FAM83C: variants seen among roughly 807,000 people sequenced by gnomAD.
The protein encoded by FAM83C is protein FAM83C.
FAM83C carries 23 observed loss-of-function variants against 27.1 expected under a neutral mutation model. The observed-to-expected ratio is 0.85, with a 90% CI of 0.61 to 1.20. The LOEUF (loss-of-function observed/expected upper bound fraction) is 1.20. Among genes scored for constraint, FAM83C ranks in the 50% most tolerant of loss-of-function variants. The pLI is 0.00. For synonymous variants in FAM83C, 426 were observed against 423.1 expected, an observed-to-expected ratio of 1.01 and a Z score of -0.09; for missense variants, 984 against 1,001.3, an observed-to-expected ratio of 0.98 and a Z score of 0.23.
At position 35,288,804 on chromosome 20, in the gene FAM83C, C is replaced by G. The variant is rs2060838147; in HGVS notation, c.668G>C (p.Gly223Ala). Residue 223 changes from glycine to alanine, a missense_variant, in exon 2 of 4, where the codon GGG becomes GCG. Transcript: ENST00000374408. The stretch of plus-strand genomic sequence containing the variant: ...GTCCTCACTGACCGGCAGGTGCTCC[C>G]CATTGAGGTCCATCTTGTAGCACAT... ...LEMCYKMDLN[G>A]EHLPNMRVRS... 1 of 1,612,120 alleles carries G rather than the reference C, an allele frequency of 6.2e-7. No homozygotes were observed. The highest frequency in any genetic ancestry group is 8.5e-7 in the Non-Finnish European group (1 of 1,178,830).
At position 35,287,367 on chromosome 20, in the gene FAM83C, G is replaced by A. The variant is rs559163193; in HGVS notation, c.1412C>T (p.Pro471Leu). Residue 471 changes from proline to leucine, a missense_variant, in exon 4 of 4, where the codon CCA (proline) becomes CTA (leucine). Coordinates refer to ENST00000374408, the MANE Select transcript of FAM83C (RefSeq NM_178468.6). ...ALSRFPENGLPGSQEPSPLRG... is the reference protein window; with the variant it reads ...ALSRFPENGLLGSQEPSPLRG... ...CAGGGGGCTGGGCTCTTGGCTTCCTGGGAGCCCATTCTCTGGGAACCGGGA... is the reference window on the plus strand; with the variant it reads ...CAGGGGGCTGGGCTCTTGGCTTCCTAGGAGCCCATTCTCTGGGAACCGGGA... 7 of 1,613,940 alleles carry A rather than the reference G, an allele frequency of 4.3e-6. No individual in the cohort carries two copies. The African/African-American group carries it at 8.0e-5, about 18-fold the overall frequency.
chr20:35,287,941 T>G lies in FAM83C; in HGVS notation c.838A>C (p.Ser280Arg). The change falls in exon 4 of 4, where the codon AGC becomes CGC. Residue 280 changes from serine to arginine, a missense_variant. Physicochemically the swap from Ser to Arg is moderately radical, Grantham distance 110. Coordinates refer to ENST00000374408, the MANE Select transcript of FAM83C (RefSeq NM_178468.6). Reference protein sequence around the residue: ...FTWLCSQAHTSMVLQLRGRIV... With the variant: ...FTWLCSQAHTRMVLQLRGRIV... The stretch of plus-strand genomic sequence containing the variant: ...CGGCCCCTCAGCTGCAGCACCATGC[T>G]AGTGTGGGCCTGGCTGCAAAGCCAG... 2.6e-6 allele frequency: 4 copies of G among 1,558,798 alleles called. No individual in the cohort carries two copies. Among genetic ancestry groups the G allele is most frequent in the Non-Finnish European group, 3.5e-6 (4 of 1,150,566 alleles).
intron 2 of FAM83C, 50 bp downstream of exon 2, chr20:35,288,741 C>T (rs1436440074): frequency 5.1e-6 from 8 of 1,556,184 alleles, no homozygotes; most frequent in Non-Finnish European, 7.0e-6. Context: ...CCCCTGCCCT[C>T]CCTGACTCCC....
Position 35,288,553 on chromosome 20 carries a change from T to C in FAM83C, c.714A>G (p.Thr238=). The part of the protein sequence containing the change: ...NMRVRSTCGD[T]YCSKAGRRFT... Reference sequence around the variant, plus strand: ...AGCGGCGGCCAGCCTTGCTGCAGTATGTGTCCCCACACGTGCTCCGCACAC... The same window carrying C: ...AGCGGCGGCCAGCCTTGCTGCAGTACGTGTCCCCACACGTGCTCCGCACAC... The change falls in exon 3 of 4, where the codon ACA becomes ACG. Residue 238 remains threonine, a synonymous_variant. Transcript: ENST00000374408. The C allele has an allele frequency of 1.2e-6, 2 of 1,614,198 alleles. No homozygotes were observed.
Position 35,291,794 on chromosome 20 carries a change from T to C in FAM83C, c.511A>G (p.Thr171Ala). The stretch of plus-strand genomic sequence containing the variant: ...TGATGGAGAGATGAGGCCCTTACCG[T>C]GTGGGCCTGGCTGAAAAGGAAGCGC... The part of the protein sequence containing the change: ...LLRFLFSQAH[T>A]VVAVVMDIFT... The change falls in exon 1 of 4, where the codon ACG becomes GCG. Residue 171 changes from threonine (T) to alanine (A), a missense_variant and splice_region_variant. Coordinates refer to ENST00000374408, the MANE Select transcript of FAM83C (RefSeq NM_178468.6). 6.2e-7 allele frequency: 1 copy of C among 1,613,960 alleles called. No individual in the cohort carries two copies. The highest frequency in any genetic ancestry group is 1.1e-5 in the South Asian group (1 of 91,082).
chr20:35,286,176 T>G lies in FAM83C; in HGVS notation c.*359A>C. On this transcript the variant is annotated 3_prime_UTR_variant, in exon 4 of 4. Transcript: ENST00000374408. Reference sequence around the variant, plus strand: ...CACCTTCTCCAGGACTCTCTGCCCTTTGTTTTCTAACACCCTCTGTAACTG... The same window carrying G: ...CACCTTCTCCAGGACTCTCTGCCCTGTGTTTTCTAACACCCTCTGTAACTG... 5.0e-6 allele frequency: 1 copy of G among 198,360 alleles called. No homozygotes were observed. 12.3% of individuals were successfully genotyped at this position (198,360 alleles called of 1,614,324 possible).
Position 35,287,035 on chromosome 20 carries a change from C to A in FAM83C, c.1744G>T (p.Asp582Tyr), listed in dbSNP as rs775817736. Residue 582 changes from aspartate to tyrosine, a missense_variant, in exon 4 of 4, where the codon GAC (aspartate) becomes TAC (tyrosine). Physicochemically the swap from Asp to Tyr is radical, Grantham distance 160. Transcript: ENST00000374408. Reference protein sequence around the residue: ...SLRPGDRALEDRRLSLNQSRG... With the variant: ...SLRPGDRALEYRRLSLNQSRG... ...CTTTGGTTTAGGGACAGCCTCCTGT[C>A]CTCCAGGGCCCGATCACCAGGTCTG... 1.2e-6 allele frequency: 2 copies of A among 1,605,712 alleles called. No homozygotes were observed. The highest frequency in any genetic ancestry group is 1.1e-5 in the South Asian group (1 of 91,082).
chr20:35,290,225 T>A (rs1157535959), intron 1 of FAM83C, among the ~76,000 whole-genome samples: 1 of 152,192 alleles, frequency 6.6e-6, no homozygotes, highest in Non-Finnish European at 1.5e-5. Context: ...CCATCCCATA[T>A]AAAGGGCTGC....
At chr20:35,288,137 T>C (rs1307187524) in intron 3 of FAM83C, among the ~76,000 whole-genome samples, 165 bp from the exon 4 acceptor site, 1 of 151,900 alleles carries the variant, frequency 6.6e-6, no homozygotes, top group Non-Finnish European at 1.5e-5. Context: ...AGTCTGTGCT[T>C]GCCCTAGCCC....
Position 35,287,290 on chromosome 20 carries a change from TCTC to T in FAM83C, c.1486_1488del (p.Glu496del), listed in dbSNP as rs1395970803. On this transcript the variant is annotated inframe_deletion, in exon 4 of 4. Coordinates refer to ENST00000374408, the MANE Select transcript of FAM83C (RefSeq NM_178468.6). ...CGGCTCTGACTTGGAGATGCCTTCT[TCTC>T]CTTCTCCTCCACTGTCTCCAGGGTT... 5 of 1,613,376 alleles carry T rather than the reference TCTC, an allele frequency of 3.1e-6. No homozygotes were observed. Among genetic ancestry groups the T allele is most frequent in the Admixed American group, 1.7e-5 (1 of 60,014 alleles).
At chr20:35,288,000 G>T in intron 3 of FAM83C, 28 bp from the exon 4 acceptor site, 1 of 1,548,620 alleles carries the variant, frequency 6.5e-7, no homozygotes, top group South Asian at 1.2e-5. Flanking sequence ...GGGGGGTCAG[G>T]AGGCAAAGTG....
In FAM83C at chr20:35,291,998, C is replaced by T. The variant is rs1169275751; in HGVS notation, c.307G>A (p.Asp103Asn). 1 of 1,613,514 alleles carries T rather than the reference C, an allele frequency of 6.2e-7. No homozygotes were observed. Among genetic ancestry groups the T allele is most frequent in the Admixed American group, 1.7e-5 (1 of 60,012 alleles). The change falls in exon 1 of 4, where the codon GAC becomes AAC. Residue 103 changes from aspartate (D) to asparagine (N), a missense_variant. Asp to Asn is a conservative substitution (Grantham distance 23). Transcript: ENST00000374408. ...ACTTCAGAGAGCAGGCTGAGGCGGTCTGGCCCGGAGGCCTCCTGCCCCTGA... is the reference window on the plus strand; with the variant it reads ...ACTTCAGAGAGCAGGCTGAGGCGGTTTGGCCCGGAGGCCTCCTGCCCCTGA... ...EAQGQEASGP[D>N]RLSLLSEVTS...
Position 35,287,896 on chromosome 20 carries a change from G to C in FAM83C, c.883C>G (p.Arg295Gly). 1 of 1,557,914 alleles carries C rather than the reference G, an allele frequency of 6.4e-7. No homozygotes were observed. The highest frequency in any genetic ancestry group is 8.7e-7 in the Non-Finnish European group (1 of 1,150,194). ...TCAGCGTACAGACAGCGGAACTCCC[G>C]GTCAAAGTCTTCCACGATGCGGCCC... Reference protein sequence around the residue: ...LRGRIVEDFDREFRCLYAESQ... With the variant: ...LRGRIVEDFDGEFRCLYAESQ... The change falls in exon 4 of 4, where the codon CGG becomes GGG. Residue 295 changes from arginine (R) to glycine (G), a missense_variant. By Grantham distance (125) the Arg-to-Gly change is moderately radical (BLOSUM62 -2). Transcript: ENST00000374408.
In FAM83C at chr20:35,286,971, G is replaced by A. The variant is rs767507275; in HGVS notation, c.1808C>T (p.Ala603Val). The change falls in exon 4 of 4, where the codon GCC becomes GTC. Residue 603 changes from alanine (A) to valine (V), a missense_variant. Transcript: ENST00000374408. ...QSDLLMQYPK[A>V]QGSRVPLETN... ...TTCAAGGGGCACTCTGGAACCCTGG[G>A]CCTTGGGGTACTGCATCAGGAGGTC... is the stretch of plus-strand genomic sequence containing the variant. 1.5e-5 allele frequency: 25 copies of A among 1,612,994 alleles called. No individual in the cohort carries two copies. The highest frequency in any genetic ancestry group is 2.1e-5 in the Non-Finnish European group (25 of 1,180,044).
At chr20:35,288,626 G>T in intron 2 of FAM83C, 41 bp from the exon 3 acceptor site, 2 of 1,609,030 alleles carry the variant, frequency 1.2e-6, no homozygotes, top group South Asian at 2.2e-5. Flanking sequence ...AGAGAGTGAG[G>T]CTCAAGCCAT....
At position 35,286,624 on chromosome 20, in the gene FAM83C, G is replaced by A. The variant is rs77803666; in HGVS notation, c.2155C>T (p.Arg719Trp). The change falls in exon 4 of 4, where the codon CGG (arginine) becomes TGG (tryptophan). Residue 719 changes from arginine to tryptophan, a missense_variant. Arg to Trp is a moderately radical substitution (Grantham distance 101). Transcript: ENST00000374408. ...GNSDLVRDEK[R>W]LTLGHSKLDL... Reference sequence around the variant, plus strand: ...AGTTTGCTGTGACCCAGGGTCAGCCGTTTCTCATCCCTGACCAGGTCACTG... The same window carrying A: ...AGTTTGCTGTGACCCAGGGTCAGCCATTTCTCATCCCTGACCAGGTCACTG... The A allele has an allele frequency of 2.4e-4, 391 of 1,614,140 alleles. 2 individuals are homozygous for A. The African/African-American group carries it at 4.5e-3, about 19-fold the overall frequency.
chr20:35,291,754 C>G (rs748475095), intron 1 of FAM83C, 38 bp downstream of exon 1: 1 of 1,610,972 alleles, frequency 6.2e-7, no homozygotes, highest in Non-Finnish European at 8.5e-7. Context: ...TCAGTTTCCT[C>G]CTCTGTGAGA....
chr20:35,289,754 C>A (rs1204334083), intron 1 of FAM83C, among the ~76,000 whole-genome samples: 1 of 152,142 alleles, frequency 6.6e-6, no homozygotes, highest in Non-Finnish European at 1.5e-5. Flanking sequence ...GGATTACAGT[C>A]AAATCCCAGC....
chr20:35,289,629 G>T lies in FAM83C; in HGVS notation c.514-671C>A, dbSNP rs539026581. 2.0e-5 allele frequency among the ~76,000 whole-genome samples: 3 copies of T among 152,002 alleles called. No homozygotes were observed. The East Asian group carries it at 5.8e-4, about 29-fold the overall frequency. ...TGTGATTACAGGCGTGAGCCACCAC[G>T]CCCAGTCGCTAGTTTTTTTTTAATT... On this transcript the variant is annotated intron_variant, in intron 1 of 3. Coordinates refer to ENST00000374408, the MANE Select transcript of FAM83C (RefSeq NM_178468.6).
Sources: gnomAD v4.1 joint callset for allele counts (sites outside exome capture counted in the v4.1 genomes callset) on GRCh38, gnomAD v4.1.1 for gene constraint, MANE v1.5 for transcripts, NCBI Gene and HGNC (gene_info 2026-07-23, HGNC 2026-07-21) for gene names.